The following EEFSEC variants were observed in gnomAD, a reference collection of about 807,000 sequenced individuals.
EEFSEC encodes selenocysteine-specific elongation factor.
EEFSEC carries 43 observed loss-of-function variants against 42.1 expected under a neutral mutation model. The observed-to-expected ratio is 1.02, with a 90% CI of 0.80 to 1.32. EEFSEC has a LOEUF of 1.32. EEFSEC is among the 40% of genes most tolerant of loss of function. The probability of loss-of-function intolerance (pLI) is 0.00; values close to 1 mark genes in which losing one functional copy is unlikely to be tolerated. For synonymous variants in EEFSEC, 354 were observed against 339.1 expected (o/e 1.04, Z -0.48); for missense variants, 745 against 803.6 (o/e 0.93, Z 0.88).
chr3:128,264,513 G>T, intron 3 of EEFSEC, 104 bp from the exon 4 acceptor site: 2 of 1,353,766 alleles, frequency 1.5e-6, no homozygotes, highest in Admixed American at 2.0e-5. Context: ...GTTCACCTTG[G>T]CAGCCTTGAT....
chr3:128,195,667 G>A (rs568976446), intron 1 of EEFSEC, among the ~76,000 whole-genome samples: 1 of 152,194 alleles, frequency 6.6e-6, no homozygotes, highest in African/African-American at 2.4e-5. Flanking sequence ...TGTAGTTATT[G>A]CATAAGTGTT....
intron 4 of EEFSEC, among the ~76,000 whole-genome samples, chr3:128,287,003 C>T (rs545015353): frequency 6.6e-6 from 1 of 152,324 alleles, no homozygotes; most frequent in African/African-American, 2.4e-5. Flanking sequence ...CACCAGCATT[C>T]ACTCACTTAT....
intron 4 of EEFSEC, among the ~76,000 whole-genome samples, chr3:128,323,434 G>C (rs970680422): frequency 6.6e-5 from 10 of 152,166 alleles, no homozygotes; most frequent in Admixed American, 2.6e-4. Flanking sequence ...GCTCTGGCCC[G>C]GAACTGACCT....
chr3:128,324,060 C>T (rs1281553858), intron 4 of EEFSEC, among the ~76,000 whole-genome samples: 5 of 152,188 alleles, frequency 3.3e-5, no homozygotes, highest in Non-Finnish European at 5.9e-5. Context: ...GGACCTCTCA[C>T]GGCCTGGGTC....
In EEFSEC at chr3:128,226,719, G is replaced by C. The variant is rs140457441; in HGVS notation, c.317-20117G>C. ...GTGTGTGTTTCCCCCAGAAGACTCT[G>C]AAGCTTCTCGAGGGCAGGGACTGGG... On this transcript the variant is annotated intron_variant, in intron 1 of 6. Coordinates refer to ENST00000254730, the MANE Select transcript of EEFSEC (RefSeq NM_021937.5). Among the ~76,000 whole-genome samples the C allele has an allele frequency of 6.7e-3, 1,021 of 152,300 alleles. 14 individuals are homozygous for C. Among genetic ancestry groups the C allele is most frequent in the African/African-American group, 0.023 (942 of 41,564 alleles).
chr3:128,169,376 A>G (rs2065272787), intron 1 of EEFSEC, among the ~76,000 whole-genome samples: 1 of 152,196 alleles, frequency 6.6e-6, no homozygotes, highest in Non-Finnish European at 1.5e-5. Context: ...TGTTGCAGGT[A>G]TATTTGGACA....
chr3:128,359,757 G>C (rs1288666209), intron 6 of EEFSEC, among the ~76,000 whole-genome samples: 1 of 152,196 alleles, frequency 6.6e-6, no homozygotes, highest in Non-Finnish European at 1.5e-5. Context: ...GATCCTGTGA[G>C]GATGGAAAGC....
At position 128,226,505 on chromosome 3, in the gene EEFSEC, C is replaced by T. The variant is rs115858674; in HGVS notation, c.317-20331C>T. ...GGGGAAGTGCATGCTCAGCATCCTCCGTGCAGCACTGGCAGCTGGGGCTTC... is the reference window on the plus strand; with the variant it reads ...GGGGAAGTGCATGCTCAGCATCCTCTGTGCAGCACTGGCAGCTGGGGCTTC... On this transcript the variant is annotated intron_variant, in intron 1 of 6. Transcript: ENST00000254730. Among the ~76,000 whole-genome samples, 700 of 152,310 alleles carry T rather than the reference C, an allele frequency of 4.6e-3. 4 individuals are homozygous for T. Among genetic ancestry groups the T allele is most frequent in the African/African-American group, 0.015 (616 of 41,568 alleles).
chr3:128,361,121 C>G (rs2107593231), intron 6 of EEFSEC, among the ~76,000 whole-genome samples: 1 of 152,278 alleles, frequency 6.6e-6, no homozygotes, highest in South Asian at 2.1e-4. Flanking sequence ...GGGCTGGGTT[C>G]AGATGCACTT....
intron 1 of EEFSEC, among the ~76,000 whole-genome samples, chr3:128,179,940 C>T (rs2811477): frequency 0.065 from 9,837 of 151,994 alleles, 461 homozygotes; most frequent in South Asian, 0.11. Context: ...TAGATAAAAA[C>T]TCCATTGTTT....
chr3:128,247,058 G>A lies in EEFSEC; in HGVS notation c.524+15G>A. On this transcript the variant is annotated intron_variant, in intron 2 of 6. Coordinates refer to ENST00000254730, the MANE Select transcript of EEFSEC (RefSeq NM_021937.5). The stretch of plus-strand genomic sequence containing the variant: ...GAGAACACCAAGTAGGTCTGCTAAT[G>A]AGAGCAATGTTCACTGCATAAGAAG... 5 of 1,613,254 alleles carry A rather than the reference G, an allele frequency of 3.1e-6. No homozygotes were observed. The highest frequency in any genetic ancestry group is 2.7e-5 in the African/African-American group (2 of 75,020).
chr3:128,236,360 G>C (rs1277433795), intron 1 of EEFSEC, among the ~76,000 whole-genome samples: 1 of 152,116 alleles, frequency 6.6e-6, no homozygotes, highest in Admixed American at 6.5e-5. Flanking sequence ...TTGAATTCTA[G>C]CTCCCTATCT....
intron 5 of EEFSEC, among the ~76,000 whole-genome samples, chr3:128,351,723 G>C (rs1422803599): frequency 1.3e-5 from 2 of 152,200 alleles, no homozygotes; most frequent in Non-Finnish European, 2.9e-5. Flanking sequence ...TTGCTCAAAG[G>C]CCAGGGACAA....
At chr3:128,355,707 A>G (rs867902051) in intron 5 of EEFSEC, among the ~76,000 whole-genome samples, 2 of 152,074 alleles carry the variant, frequency 1.3e-5, no homozygotes, top group African/African-American at 2.4e-5. Context: ...TCACACATTC[A>G]AGGAATAGAT....
intron 6 of EEFSEC, among the ~76,000 whole-genome samples, chr3:128,388,100 C>T (rs1406776270): frequency 1.3e-5 from 2 of 152,258 alleles, no homozygotes; most frequent in African/African-American, 4.8e-5. Flanking sequence ...TCTGAACTGG[C>T]AGTGGCAGAA....
chr3:128,344,252 A>G (rs2067287323), intron 5 of EEFSEC, among the ~76,000 whole-genome samples: 1 of 152,230 alleles, frequency 6.6e-6, no homozygotes, highest in Non-Finnish European at 1.5e-5. Context: ...CACTCTACTG[A>G]TTAAGCATAT....
chr3:128,291,993 G>C (rs546693775), intron 4 of EEFSEC, among the ~76,000 whole-genome samples: 1 of 152,060 alleles, frequency 6.6e-6, no homozygotes, highest in African/African-American at 2.4e-5. Flanking sequence ...TATCATAAAT[G>C]GGTGTTGAAT....
At chr3:128,357,715 A>G (rs1454557636) in intron 5 of EEFSEC, among the ~76,000 whole-genome samples, 1 of 152,112 alleles carries the variant, frequency 6.6e-6, no homozygotes, top group African/African-American at 2.4e-5. Flanking sequence ...ATGCAGGCTC[A>G]GGAGCGGCCC....
At chr3:128,420,897 T>C in the EEFSEC span, among the ~76,000 whole-genome samples, 1 of 152,106 alleles carries the variant, frequency 6.6e-6, no homozygotes, top group Non-Finnish European at 1.5e-5. Flanking sequence ...CATATGCAGG[T>C]TCCAGAAGCG....
Sources: allele counts gnomAD v4.1 joint callset (sites outside exome capture counted in the v4.1 genomes callset), GRCh38; gene constraint gnomAD v4.1.1; transcripts MANE v1.5; gene names NCBI Gene and HGNC (gene_info 2026-07-23, HGNC 2026-07-21).